Variants in TBC1D4 observed in about 807,000 individuals in gnomAD.
The protein encoded by TBC1D4 is TBC1 domain family member 4.
TBC1D4 carries 121 observed loss-of-function variants against 142.5 expected under a neutral mutation model. The observed-to-expected ratio is 0.85, with a 90% CI of 0.73 to 0.99. The LOEUF (loss-of-function observed/expected upper bound fraction) is 0.99, where lower values mean the gene tolerates loss of function less well. Ranked by LOEUF, TBC1D4 falls within the 50% of genes least tolerant of loss-of-function variation. The pLI, the probability that TBC1D4 is intolerant of heterozygous loss-of-function variation, is 0.00. For missense variants in TBC1D4, 1,475 were observed against 1,606.6 expected, an observed-to-expected ratio of 0.92 and a Z score of 1.40; for synonymous variants, 630 against 628.2, an observed-to-expected ratio of 1.00 and a Z score of -0.04.
At chr13:75,327,337 G>A (rs934101325) in intron 9 of TBC1D4, among the ~76,000 whole-genome samples, 8 of 152,058 alleles carry the variant, frequency 5.3e-5, no homozygotes, top group South Asian at 2.1e-4. Flanking sequence ...CCAACCTACC[G>A]AGAGTTGTCA....
chr13:75,312,924 C>T, intron 12 of TBC1D4, 26 bp from the exon 13 acceptor site: 1 of 1,613,502 alleles, frequency 6.2e-7, no homozygotes, highest in Non-Finnish European at 8.5e-7. Context: ...AAACATATCA[C>T]TTATAAGGAG....
At chr13:75,408,461 C>T (rs963368223) in intron 1 of TBC1D4, among the ~76,000 whole-genome samples, 10 of 152,076 alleles carry the variant, frequency 6.6e-5, no homozygotes, top group Non-Finnish European at 1.5e-4. Context: ...GGTATTAATG[C>T]TGTTTTGATA....
chr13:75,382,863 A>G (rs1029432584), intron 1 of TBC1D4, among the ~76,000 whole-genome samples: 4 of 152,366 alleles, frequency 2.6e-5, no homozygotes, highest in African/African-American at 9.6e-5. Context: ...GTTAAATAAT[A>G]TATACAATTC....
intron 8 of TBC1D4, among the ~76,000 whole-genome samples, chr13:75,328,478 G>A (rs145003277): frequency 1.3e-5 from 2 of 152,192 alleles, no homozygotes; most frequent in Admixed American, 6.5e-5. Flanking sequence ...GATCACCTAA[G>A]ATCTAAGAGA....
chr13:75,450,569 C>G (rs2138238256), intron 1 of TBC1D4, among the ~76,000 whole-genome samples: 1 of 152,280 alleles, frequency 6.6e-6, no homozygotes, highest in African/African-American at 2.4e-5. Flanking sequence ...GATCGATACT[C>G]TAATTTTCCT....
chr13:75,305,067 C>A lies in TBC1D4; in HGVS notation c.2752+1246G>T, dbSNP rs539883045. On this transcript the variant is annotated intron_variant, in intron 15 of 20. Transcript: ENST00000377636. ...AATTGAATCATGGGGGCAGTTTCCCCCATACTGTTCCTGTGGTAGTGAGTA... is the reference window on the plus strand; with the variant it reads ...AATTGAATCATGGGGGCAGTTTCCCACATACTGTTCCTGTGGTAGTGAGTA... Among the ~76,000 whole-genome samples the A allele has an allele frequency of 2.0e-3, 311 of 152,212 alleles. 2 individuals are homozygous for A. The highest frequency in any genetic ancestry group is 3.2e-3 in the Non-Finnish European group (217 of 67,994).
chr13:75,300,010 G>C (rs1876369721), intron 16 of TBC1D4, among the ~76,000 whole-genome samples: 1 of 152,002 alleles, frequency 6.6e-6, no homozygotes, highest in African/African-American at 2.4e-5. Flanking sequence ...TTATTTAAAA[G>C]AAAATCTTCA....
At chr13:75,435,942 A>G (rs1566488719) in intron 1 of TBC1D4, among the ~76,000 whole-genome samples, 1 of 152,240 alleles carries the variant, frequency 6.6e-6, no homozygotes, top group Non-Finnish European at 1.5e-5. Context: ...CAAACAGACA[A>G]GAAAAGAAAG....
chr13:75,401,710 G>A (rs1032072725), intron 1 of TBC1D4, among the ~76,000 whole-genome samples: 2 of 152,122 alleles, frequency 1.3e-5, no homozygotes, highest in Non-Finnish European at 2.9e-5. Context: ...GTTGATTTTT[G>A]TTGTTGTTGT....
At chr13:75,328,806 G>T (rs1879497910) in intron 8 of TBC1D4, among the ~76,000 whole-genome samples, 1 of 152,070 alleles carries the variant, frequency 6.6e-6, no homozygotes, top group South Asian at 2.1e-4. Context: ...TTTATTTGGG[G>T]GTCGGGGGTA....
chr13:75,286,853 A>G lies in TBC1D4; in HGVS notation c.3836T>C (p.Leu1279Pro), dbSNP rs1272000762. Reference sequence around the variant, plus strand: ...GTTGCAGTTTAGGTCTCTCAGCAACAGGTCACAATTGACTAGAGCATCCGC... The same window carrying G: ...GTTGCAGTTTAGGTCTCTCAGCAACGGGTCACAATTGACTAGAGCATCCGC... The part of the protein sequence containing the change: ...LPADALVNCD[L>P]LLRDLNCNPN... Residue 1279 changes from leucine to proline, a missense_variant, in exon 21 of 21, where the codon CTG (leucine) becomes CCG (proline). Transcript: ENST00000377636. 1 of 1,613,888 alleles carries G rather than the reference A, an allele frequency of 6.2e-7. No individual in the cohort carries two copies. Among genetic ancestry groups the G allele is most frequent in the African/African-American group, 1.3e-5 (1 of 74,916 alleles).
chr13:75,304,998 G>C (rs2137904366), intron 15 of TBC1D4, among the ~76,000 whole-genome samples: 1 of 152,260 alleles, frequency 6.6e-6, no homozygotes, highest in Middle Eastern at 3.4e-3. Flanking sequence ...TTGAACTGTA[G>C]CTCCCATAAT....
chr13:75,298,945 T>C (rs1052380183), intron 17 of TBC1D4, among the ~76,000 whole-genome samples: 4 of 152,194 alleles, frequency 2.6e-5, no homozygotes, highest in African/African-American at 9.6e-5. Context: ...AAAGATACTT[T>C]CAGATTGTAA....
intron 1 of TBC1D4, among the ~76,000 whole-genome samples, chr13:75,381,426 GCC>G (rs1883841015): frequency 6.6e-6 from 1 of 152,166 alleles, no homozygotes; most frequent in African/African-American, 2.4e-5. Context: ...TAATATATTT[GCC>G]TATATCAAGT....
At position 75,306,363 on chromosome 13, in the gene TBC1D4, C is replaced by T. The variant is rs1877185970; in HGVS notation, c.2702G>A (p.Arg901Lys). The T allele has an allele frequency of 1.2e-6, 2 of 1,613,136 alleles. No homozygotes were observed. Among genetic ancestry groups the T allele is most frequent in the Non-Finnish European group, 1.7e-6 (2 of 1,179,842 alleles). The stretch of plus-strand genomic sequence containing the variant: ...TTCCATATCACATCTGATTTTAGCT[C>T]TGCAGTTTAACAACTTCTTATCCCA... ...ITWDKKLLNC[R>K]AKIRCDMEDI... is the part of the protein sequence containing the mutation. The change falls in exon 15 of 21, where the codon AGA becomes AAA. Residue 901 changes from arginine (R) to lysine (K), a missense_variant. Transcript: ENST00000377636.
chr13:75,392,319 T>C (rs1390315266), intron 1 of TBC1D4, among the ~76,000 whole-genome samples: 1 of 152,198 alleles, frequency 6.6e-6, no homozygotes, highest in Non-Finnish European at 1.5e-5. Context: ...ACTTTATTTC[T>C]ACTTCCTTAC....
chr13:75,324,304 G>C lies in TBC1D4; in HGVS notation c.2131C>G (p.Pro711Ala), dbSNP rs754425662. 3 of 1,613,950 alleles carry C rather than the reference G, an allele frequency of 1.9e-6. No homozygotes were observed. Among genetic ancestry groups the C allele is most frequent in the South Asian group, 1.1e-5 (1 of 91,078 alleles). Residue 711 changes from proline (P) to alanine (A), a missense_variant, in exon 11 of 21, where the codon CCC (proline) becomes GCC (alanine). Coordinates refer to ENST00000377636, the MANE Select transcript of TBC1D4 (RefSeq NM_014832.5). ...TSFSAPSFTA[P>A]SFLKSFYQNS... is the part of the protein sequence containing the mutation. ...TGGTAAAAGCTTTTCAGGAAAGAGG[G>C]GGCAGTGAAGGAAGGGGCAGAGAAG...
intron 1 of TBC1D4, among the ~76,000 whole-genome samples, chr13:75,440,810 GATT>G (rs1887008515): frequency 6.6e-6 from 1 of 150,782 alleles, no homozygotes; most frequent in Non-Finnish European, 1.5e-5. Context: ...GGCCTCAAGT[GATT>G]CTCCTGCCTC....
At chr13:75,361,436 A>AG (rs756772606) in intron 2 of TBC1D4, among the ~76,000 whole-genome samples, 7 of 152,128 alleles carry the variant, frequency 4.6e-5, no homozygotes, top group Non-Finnish European at 1.0e-4. Flanking sequence ...GCTCGAGTGC[A>AG]GGGGGTCAAT....
Sources: gnomAD v4.1 joint callset for allele counts (sites outside exome capture counted in the v4.1 genomes callset) on GRCh38, gnomAD v4.1.1 for gene constraint, MANE v1.5 for transcripts, NCBI Gene and HGNC (gene_info 2026-07-23, HGNC 2026-07-21) for gene names.